The following DCAF1 variants were observed in gnomAD, a reference collection of about 807,000 sequenced individuals.
The protein encoded by DCAF1 is DDB1 and CUL4 associated factor 1, also known as DDB1- and CUL4-associated factor 1.
DCAF1 carries 15 observed loss-of-function variants against 128.0 expected under a neutral mutation model. The ratio of observed to expected loss-of-function variants is 0.12; its 90% confidence interval spans 0.08 to 0.18. The LOEUF (loss-of-function observed/expected upper bound fraction) is 0.18. Ranked by LOEUF, DCAF1 falls within the 10% of genes least tolerant of loss-of-function variation. The pLI, the probability that DCAF1 is intolerant of heterozygous loss-of-function variation, is 1.00. For missense variants in DCAF1, 988 were observed against 1,649.5 expected (o/e 0.60, Z 6.95); for synonymous variants, 610 against 603.0 (o/e 1.01, Z -0.17).
chr3:51,417,980 A>G, intron 17 of DCAF1, 136 bp downstream of exon 17: 1 of 1,088,354 alleles, frequency 9.2e-7, no homozygotes, highest in Non-Finnish European at 1.3e-6. Flanking sequence ...CATGAGTCTT[A>G]GATGAGGAAG....
chr3:51,457,200 A>C (rs1181098501), intron 6 of DCAF1, among the ~76,000 whole-genome samples: 1 of 152,224 alleles, frequency 6.6e-6, no homozygotes, highest in East Asian at 1.9e-4. Flanking sequence ...AGAATAACCA[A>C]TGCAGAGAAG....
At chr3:51,450,087 T>C (rs1273893138) in intron 6 of DCAF1, among the ~76,000 whole-genome samples, 1 of 152,206 alleles carries the variant, frequency 6.6e-6, no homozygotes, top group African/African-American at 2.4e-5. Context: ...GGCTTATGCC[T>C]GTAAGCCCAA....
chr3:51,407,609 T>C (rs1553627079), intron 23 of DCAF1, among the ~76,000 whole-genome samples: 1 of 152,194 alleles, frequency 6.6e-6, no homozygotes, highest in Non-Finnish European at 1.5e-5. Flanking sequence ...CTTGTCAAAA[T>C]CTAGGAGCAA....
At chr3:51,472,570 A>C (rs139554075) in intron 3 of DCAF1, among the ~76,000 whole-genome samples, 5 of 152,202 alleles carry the variant, frequency 3.3e-5, no homozygotes, top group Admixed American at 3.3e-4. Flanking sequence ...ACTTTCACAT[A>C]AATTGAACCA....
At chr3:51,486,812 T>G (rs2108468032) in intron 2 of DCAF1, among the ~76,000 whole-genome samples, 1 of 151,992 alleles carries the variant, frequency 6.6e-6, no homozygotes, top group East Asian at 1.9e-4. Flanking sequence ...TTTTGTATTT[T>G]TAGTAGAGAT....
At chr3:51,470,697 C>A (rs1054825445) in intron 4 of DCAF1, among the ~76,000 whole-genome samples, 2 of 152,112 alleles carry the variant, frequency 1.3e-5, no homozygotes, top group Non-Finnish European at 2.9e-5. Flanking sequence ...TGGCAAATAT[C>A]AAAAATATTT....
chr3:51,434,493 T>C (rs1389904514), intron 9 of DCAF1, among the ~76,000 whole-genome samples: 4 of 152,226 alleles, frequency 2.6e-5, no homozygotes, highest in Non-Finnish European at 5.9e-5. Context: ...TTGAAAGCAA[T>C]AGCAAAAACC....
At chr3:51,429,902 ACTTC>A in intron 11 of DCAF1, 127 bp downstream of exon 11, 1 of 597,166 alleles carries the variant, frequency 1.7e-6, no homozygotes, top group Non-Finnish European at 3.0e-6. Context: ...AAAAAAAAAA[ACTTC>A]ACAAAAAGAA....
At chr3:51,400,906 G>A (rs570836606) in intron 24 of DCAF1, among the ~76,000 whole-genome samples, 3 of 152,164 alleles carry the variant, frequency 2.0e-5, no homozygotes, top group African/African-American at 7.2e-5. Flanking sequence ...GCCAAAGCAG[G>A]CGGATCACGA....
intron 18 of DCAF1, among the ~76,000 whole-genome samples, chr3:51,415,172 TTGA>T (rs1356383538): frequency 2.0e-5 from 3 of 152,272 alleles, no homozygotes; most frequent in African/African-American, 7.2e-5. Flanking sequence ...TCTAGTCCCC[TTGA>T]TGATCTCATA....
At chr3:51,480,939 C>A (rs1361590508) in intron 3 of DCAF1, among the ~76,000 whole-genome samples, 1 of 152,160 alleles carries the variant, frequency 6.6e-6, no homozygotes, top group Non-Finnish European at 1.5e-5. Flanking sequence ...GATCTACCCA[C>A]TGCCTGGTAC....
At chr3:51,434,081 C>CAAA (rs1282871237) in intron 9 of DCAF1, among the ~76,000 whole-genome samples, 1 of 91,846 alleles carries the variant, frequency 1.1e-5, no homozygotes, top group African/African-American at 4.2e-5. Flanking sequence ...GACCCTGTCT[C>CAAA]AAAAAAAAAA....
chr3:51,421,446 G>A (rs1045514003), intron 14 of DCAF1, among the ~76,000 whole-genome samples: 2 of 152,012 alleles, frequency 1.3e-5, no homozygotes, highest in East Asian at 3.9e-4. Flanking sequence ...TAGTAGAGGT[G>A]GGGTTTCACC....
intron 14 of DCAF1, 137 bp downstream of exon 14, chr3:51,422,170 A>C (rs1699457990): frequency 1.7e-6 from 1 of 603,742 alleles, no homozygotes. Flanking sequence ...CTCCTTATAA[A>C]GGACAGACAA....
chr3:51,460,277 G>T, intron 6 of DCAF1, among the ~76,000 whole-genome samples: 1 of 152,078 alleles, frequency 6.6e-6, no homozygotes, highest in Non-Finnish European at 1.5e-5. Context: ...AGACAAACAA[G>T]AGAGCCAAAT....
At chr3:51,436,348 G>C (rs1700827747) in intron 9 of DCAF1, 1 of 519,700 alleles carries the variant, frequency 1.9e-6, no homozygotes, top group South Asian at 1.4e-5. Context: ...AGTTCAGAAT[G>C]AATCAAGTAG....
intron 2 of DCAF1, among the ~76,000 whole-genome samples, chr3:51,490,722 C>T (rs1707535506): frequency 6.6e-6 from 1 of 151,070 alleles, no homozygotes; most frequent in African/African-American, 2.4e-5. Flanking sequence ...TTCAAGAGTT[C>T]AACACCAGCC....
At chr3:51,501,972 G>A (rs1553664459), upstream of DCAF1, among the ~76,000 whole-genome samples, 1 of 152,156 alleles carries the variant, frequency 6.6e-6, no homozygotes, top group East Asian at 1.9e-4. Context: ...ACCCAGAGAG[G>A]TAGAACAAGG....
chr3:51,437,739 T>TG (rs1303583634), intron 9 of DCAF1, among the ~76,000 whole-genome samples: 5 of 151,682 alleles, frequency 3.3e-5, no homozygotes, highest in Non-Finnish European at 7.4e-5. Context: ...GGCTTGAGCC[T>TG]GGGGGGTGGA....
Sources: gnomAD v4.1 joint callset for allele counts (sites outside exome capture counted in the v4.1 genomes callset) on GRCh38, gnomAD v4.1.1 for gene constraint, MANE v1.5 for transcripts, NCBI Gene and HGNC (gene_info 2026-07-23, HGNC 2026-07-21) for gene names.